TBC1D19: variants seen among roughly 807,000 people sequenced by gnomAD.
TBC1D19 encodes the protein TBC1 domain family member 19, also known as TBC1 domain family, member 19.
In TBC1D19, 60 loss-of-function variants were observed where a neutral mutation model predicts 89.0. That is an observed-to-expected ratio of 0.67 (90% CI 0.55 to 0.84). The LOEUF (loss-of-function observed/expected upper bound fraction) is 0.84, where lower values mean the gene tolerates loss of function less well. TBC1D19 is among the 40% of genes least tolerant of loss of function. The pLI, the probability that TBC1D19 is intolerant of heterozygous loss-of-function variation, is 0.00. For missense variants in TBC1D19, 500 were observed against 610.8 expected (o/e 0.82, Z 1.91); for synonymous variants, 189 against 199.7 (o/e 0.95, Z 0.45).
chr4:26,849,864 G>C, the TBC1D19 span, among the ~76,000 whole-genome samples: 6 of 152,168 alleles, frequency 3.9e-5, no homozygotes, highest in African/African-American at 1.4e-4. Context: ...TTGGCTCTAA[G>C]AGAAAGTAAC....
intron 13 of TBC1D19, among the ~76,000 whole-genome samples, chr4:26,693,048 C>G (rs567857308): frequency 6.6e-6 from 1 of 151,190 alleles, no homozygotes; most frequent in East Asian, 2.0e-4. Context: ...ATTGCTTGAA[C>G]CCAGGAGGTA....
At chr4:26,656,434 CTAACAT>C (rs1253256051) in intron 7 of TBC1D19, among the ~76,000 whole-genome samples, 1 of 152,128 alleles carries the variant, frequency 6.6e-6, no homozygotes, top group East Asian at 1.9e-4. Flanking sequence ...CTGTACTTCA[CTAACAT>C]TATTTCTTTA....
intron 11 of TBC1D19, among the ~76,000 whole-genome samples, chr4:26,681,244 T>C (rs1182407005): frequency 6.6e-6 from 1 of 151,948 alleles, no homozygotes; most frequent in Non-Finnish European, 1.5e-5. Context: ...CAGTTTAAGA[T>C]ACATAGAGCC....
chr4:26,600,295 T>G (rs1740508577), intron 1 of TBC1D19, among the ~76,000 whole-genome samples: 1 of 152,218 alleles, frequency 6.6e-6, no homozygotes, highest in African/African-American at 2.4e-5. Context: ...TACCCATATT[T>G]ATTTTGGCTG....
chr4:26,590,993 T>G (rs1471258283), intron 1 of TBC1D19, among the ~76,000 whole-genome samples: 2 of 151,776 alleles, frequency 1.3e-5, no homozygotes, highest in African/African-American at 4.8e-5. Flanking sequence ...TATTTATGTA[T>G]TCACAATTCC....
chr4:26,736,247 A>T (rs1194797135), intron 16 of TBC1D19, among the ~76,000 whole-genome samples: 1 of 125,630 alleles, frequency 8.0e-6, no homozygotes, highest in East Asian at 2.2e-4. Context: ...CTTTGTAGGG[A>T]CATGGATGAA....
chr4:26,795,617 T>C, the TBC1D19 span, among the ~76,000 whole-genome samples: 1 of 152,162 alleles, frequency 6.6e-6, no homozygotes, highest in African/African-American at 2.4e-5. Flanking sequence ...TCTAGGAAAG[T>C]CTGAGTACCT....
At chr4:26,617,079 T>A (rs1741743428) in intron 3 of TBC1D19, among the ~76,000 whole-genome samples, 1 of 152,206 alleles carries the variant, frequency 6.6e-6, no homozygotes, top group Admixed American at 6.5e-5. Context: ...ATTGGGTAAT[T>A]TATAATGGAC....
chr4:26,759,405 T>C (rs947801282), downstream of TBC1D19, among the ~76,000 whole-genome samples: 1 of 152,182 alleles, frequency 6.6e-6, no homozygotes, highest in African/African-American at 2.4e-5. Flanking sequence ...AAAAATGAAA[T>C]GGTTCAGTCA....
the TBC1D19 span, among the ~76,000 whole-genome samples, chr4:26,763,392 G>GCTT: frequency 6.6e-6 from 1 of 152,168 alleles, no homozygotes; most frequent in East Asian, 1.9e-4. Flanking sequence ...CTAGCTAAAA[G>GCTT]CTTCATCTGC....
At position 26,605,831 on chromosome 4, in the gene TBC1D19, T is replaced by C. The variant is rs541745020; in HGVS notation, c.100-7338T>C. On this transcript the variant is annotated intron_variant, in intron 1 of 20. Coordinates refer to ENST00000264866, the MANE Select transcript of TBC1D19 (RefSeq NM_018317.4). ...GATGATGAGCATTTTTTTCATGTGT[T>C]TTTTGGCTGCATAAATGTCTTCTTT... Among the ~76,000 whole-genome samples the C allele has an allele frequency of 2.0e-4, 30 of 152,326 alleles. No homozygotes were observed. In the East Asian group the frequency reaches 5.2e-3, roughly 26 times the overall value.
At chr4:26,779,156 C>T in the TBC1D19 span, among the ~76,000 whole-genome samples, 2 of 152,148 alleles carry the variant, frequency 1.3e-5, no homozygotes, top group African/African-American at 2.4e-5. Context: ...AACAAGTTCT[C>T]GAATGGTAGT....
chr4:26,599,350 C>G (rs1188733764), intron 1 of TBC1D19, among the ~76,000 whole-genome samples: 1 of 152,118 alleles, frequency 6.6e-6, no homozygotes. Flanking sequence ...TTCCTGCCAC[C>G]AGCATCTTCT....
downstream of TBC1D19, among the ~76,000 whole-genome samples, chr4:26,757,934 T>G (rs983290636): frequency 6.6e-5 from 10 of 152,202 alleles, no homozygotes; most frequent in Non-Finnish European, 1.5e-4. Context: ...GAAAAATTCT[T>G]CATCGCTTGG....
At chr4:26,728,618 A>T (rs1459397694) in intron 15 of TBC1D19, among the ~76,000 whole-genome samples, 1 of 152,264 alleles carries the variant, frequency 6.6e-6, no homozygotes, top group East Asian at 1.9e-4. Context: ...GGTCCCTGGA[A>T]ATGAAGCTGG....
At chr4:26,800,538 G>A in the TBC1D19 span, among the ~76,000 whole-genome samples, 1 of 152,114 alleles carries the variant, frequency 6.6e-6, no homozygotes. Flanking sequence ...GGATGGCTGG[G>A]TCAAATGGTA....
At chr4:26,771,397 C>T in the TBC1D19 span, among the ~76,000 whole-genome samples, 1 of 152,008 alleles carries the variant, frequency 6.6e-6, no homozygotes, top group Non-Finnish European at 1.5e-5. Flanking sequence ...ATGTTCACTG[C>T]AACATTATTC....
chr4:26,741,719 A>G (rs2109317057), intron 17 of TBC1D19, among the ~76,000 whole-genome samples: 1 of 151,926 alleles, frequency 6.6e-6, no homozygotes, highest in East Asian at 1.9e-4. Context: ...TGGAACCATG[A>G]CAGTCTTTTT....
intron 20 of TBC1D19, among the ~76,000 whole-genome samples, chr4:26,754,649 A>G (rs561887579): frequency 4.6e-5 from 7 of 152,330 alleles, no homozygotes; most frequent in African/African-American, 1.7e-4. Context: ...TTTGAAGAAG[A>G]CTGAGGCTAA....
Sources: gnomAD v4.1 joint callset for allele counts (sites outside exome capture counted in the v4.1 genomes callset) on GRCh38, gnomAD v4.1.1 for gene constraint, MANE v1.5 for transcripts, NCBI Gene and HGNC (gene_info 2026-07-23, HGNC 2026-07-21) for gene names.